CCSER1: variants seen among roughly 807,000 people sequenced by gnomAD.
The protein encoded by CCSER1 is coiled-coil serine rich protein 1, also known as serine-rich coiled-coil domain-containing protein 1.
In CCSER1, 41 loss-of-function variants were observed where a neutral mutation model predicts 82.0. That is an observed-to-expected ratio of 0.50 (90% CI 0.39 to 0.65). The LOEUF is 0.65. Ranked by LOEUF, CCSER1 falls within the 30% of genes least tolerant of loss-of-function variation. CCSER1 has a pLI of 0.00. For missense variants in CCSER1, 1,119 were observed against 1,064.2 expected, an observed-to-expected ratio of 1.05 and a Z score of -0.72; for synonymous variants, 414 against 383.9, an observed-to-expected ratio of 1.08 and a Z score of -0.92.
intron 10 of CCSER1, among the ~76,000 whole-genome samples, chr4:91,307,679 A>C (rs572363786): frequency 6.9e-4 from 105 of 152,134 alleles, no homozygotes; most frequent in African/African-American, 2.5e-3. Flanking sequence ...CCTTGAGAGA[A>C]TAGAAAAGAA....
At chr4:91,518,289 A>G (rs930258526) in intron 10 of CCSER1, among the ~76,000 whole-genome samples, 4 of 152,150 alleles carry the variant, frequency 2.6e-5, no homozygotes, top group African/African-American at 9.7e-5. Context: ...CTATTGGCTC[A>G]TGATGGAGCA....
At chr4:90,444,523 A>G (rs542460455) in intron 4 of CCSER1, among the ~76,000 whole-genome samples, 71 of 152,198 alleles carry the variant, frequency 4.7e-4, no homozygotes, top group African/African-American at 1.5e-3. Context: ...TTTAGCATCC[A>G]GTATATGATA....
intron 8 of CCSER1, among the ~76,000 whole-genome samples, chr4:90,912,611 G>C (rs1726584786): frequency 6.6e-6 from 1 of 152,172 alleles, no homozygotes; most frequent in African/African-American, 2.4e-5. Flanking sequence ...GCAGCCCCTT[G>C]CCAGCAATGG....
In CCSER1 at chr4:90,796,218, T is replaced by C. The variant is rs140550912; in HGVS notation, c.2011-19544T>C. ...TACCATTTCTTCCCGTGCTCAGTAT[T>C]GGGAGGGTGTATTTGTCCAGGATTT... is the stretch of plus-strand genomic sequence containing the variant. On this transcript the variant is annotated intron_variant, in intron 7 of 10. Coordinates refer to ENST00000509176, the MANE Select transcript of CCSER1 (RefSeq NM_001145065.2). Among the ~76,000 whole-genome samples, 682 of 144,924 alleles carry C rather than the reference T, an allele frequency of 4.7e-3. 4 individuals are homozygous for C. Among genetic ancestry groups the C allele is most frequent in the African/African-American group, 0.017 (645 of 37,950 alleles).
chr4:90,980,032 C>G (rs1035988289), intron 9 of CCSER1, among the ~76,000 whole-genome samples: 1 of 151,700 alleles, frequency 6.6e-6, no homozygotes, highest in Admixed American at 6.6e-5. Context: ...ATGAATAGCA[C>G]TAAATGCTAT....
At chr4:91,299,080 G>A (rs902246131) in intron 10 of CCSER1, among the ~76,000 whole-genome samples, 14 of 151,692 alleles carry the variant, frequency 9.2e-5, no homozygotes. Flanking sequence ...AACATTCTAT[G>A]TTTATACATG....
At chr4:90,451,077 C>A (rs568255192) in intron 4 of CCSER1, among the ~76,000 whole-genome samples, 5 of 152,106 alleles carry the variant, frequency 3.3e-5, no homozygotes, top group African/African-American at 1.2e-4. Context: ...TCTTTTCTAC[C>A]TTTCCTGAGG....
intron 7 of CCSER1, among the ~76,000 whole-genome samples, chr4:90,785,792 T>C (rs186655617): frequency 6.0e-4 from 92 of 152,306 alleles, no homozygotes; most frequent in African/African-American, 2.1e-3. Context: ...TGTGACTGTG[T>C]TTTTTAATTT....
chr4:90,190,421 T>C (rs1177948879), intron 1 of CCSER1, among the ~76,000 whole-genome samples: 1 of 152,074 alleles, frequency 6.6e-6, no homozygotes, highest in African/African-American at 2.4e-5. Context: ...AAGGTCAGAA[T>C]AGAGATTTCA....
chr4:90,801,413 C>T (rs1756785646), intron 7 of CCSER1, among the ~76,000 whole-genome samples: 1 of 151,996 alleles, frequency 6.6e-6, no homozygotes, highest in Admixed American at 6.6e-5. Flanking sequence ...AGCCTCTGTA[C>T]AAATGTAAGG....
chr4:90,139,497 GTTTTA>G (rs1330400665), intron 1 of CCSER1, among the ~76,000 whole-genome samples: 7 of 152,006 alleles, frequency 4.6e-5, no homozygotes, highest in African/African-American at 1.7e-4. Flanking sequence ...CCTGTTTCCT[GTTTTA>G]TTTTATTTTA....
intron 3 of CCSER1, among the ~76,000 whole-genome samples, chr4:90,361,662 G>C (rs1442843140): frequency 6.6e-6 from 1 of 152,150 alleles, no homozygotes; most frequent in Non-Finnish European, 1.5e-5. Flanking sequence ...TTTGCCTCTC[G>C]TCTAGCAGTC....
At chr4:91,577,900 T>C (rs542401965) in intron 10 of CCSER1, among the ~76,000 whole-genome samples, 2 of 152,096 alleles carry the variant, frequency 1.3e-5, no homozygotes, top group South Asian at 4.1e-4. Flanking sequence ...ATGTTGAAAA[T>C]TGTGGATGAT....
At chr4:91,592,554 T>G (rs1193326532) in intron 10 of CCSER1, among the ~76,000 whole-genome samples, 2 of 152,084 alleles carry the variant, frequency 1.3e-5, no homozygotes, top group African/African-American at 4.8e-5. Context: ...TCAGTGTGAA[T>G]TATCCATACA....
intron 4 of CCSER1, among the ~76,000 whole-genome samples, chr4:90,438,108 C>G (rs1443336727): frequency 6.6e-6 from 1 of 152,084 alleles, no homozygotes. Context: ...TATTGCTATA[C>G]TTGATACAGA....
intron 10 of CCSER1, among the ~76,000 whole-genome samples, chr4:91,477,132 C>G (rs140128342): frequency 6.6e-6 from 1 of 151,446 alleles, no homozygotes; most frequent in Non-Finnish European, 1.5e-5. Context: ...GAAGAGACAA[C>G]CCACAGAATG....
intron 10 of CCSER1, among the ~76,000 whole-genome samples, chr4:91,316,116 C>A (rs1578180712): frequency 6.6e-6 from 1 of 151,964 alleles, no homozygotes; most frequent in Non-Finnish European, 1.5e-5. Context: ...TTTGTTCCTG[C>A]TTTGCTTTCT....
chr4:91,560,049 AATAAATAG>A (rs1444788055), intron 10 of CCSER1, among the ~76,000 whole-genome samples: 2 of 151,558 alleles, frequency 1.3e-5, no homozygotes, highest in Non-Finnish European at 3.0e-5. Flanking sequence ...TTGGATAATG[AATAAATAG>A]ATAAATAGAT....
intron 10 of CCSER1, among the ~76,000 whole-genome samples, chr4:91,443,402 A>T (rs904805451): frequency 2.6e-5 from 4 of 151,114 alleles, no homozygotes; most frequent in Non-Finnish European, 5.9e-5. Flanking sequence ...AACTATCGCA[A>T]GGACAAAAAA....
Sources: allele counts gnomAD v4.1 joint callset (sites outside exome capture counted in the v4.1 genomes callset), GRCh38; gene constraint gnomAD v4.1.1; transcripts MANE v1.5; gene names NCBI Gene and HGNC (gene_info 2026-07-23, HGNC 2026-07-21).